C2orf78: variants seen among roughly 807,000 people sequenced by gnomAD.
C2orf78 encodes the protein uncharacterized protein C2orf78.
Under a neutral mutation model 21.4 loss-of-function variants are expected in C2orf78, and 12 were observed. The ratio of observed to expected loss-of-function variants is 0.56; its 90% CI spans 0.36 to 0.91. C2orf78 has a LOEUF of 0.91. C2orf78 is among the 40% of genes least tolerant of loss of function. The pLI, the probability that C2orf78 is intolerant of heterozygous loss-of-function variation, is 0.01. For synonymous variants in C2orf78, 396 were observed against 413.9 expected, an observed-to-expected ratio of 0.96 and a Z score of 0.52; for missense variants, 1,042 against 1,092.4, an observed-to-expected ratio of 0.95 and a Z score of 0.65.
intron 2 of C2orf78, 108 bp from the exon 3 acceptor site, chr2:73,814,963 T>C (rs1673162137): frequency 9.7e-7 from 1 of 1,034,906 alleles, no homozygotes; most frequent in African/African-American, 1.6e-5. Flanking sequence ...TAAGAAGAGC[T>C]AGTAGAAATG....
exon 3 of C2orf78, chr2:73,815,156 C>T (rs772132434): frequency 5.6e-6 from 9 of 1,613,982 alleles, no homozygotes; most frequent in Admixed American, 3.3e-5. Context: ...CTCCAGAATT[C>T]TCCAAGTCCT....
chr2:73,812,847 A>G (rs1436687779), intron 1 of C2orf78, among the ~76,000 whole-genome samples: 2 of 152,220 alleles, frequency 1.3e-5, no homozygotes, highest in African/African-American at 2.4e-5. Flanking sequence ...GGTTAAATAT[A>G]AACTCTAGGA....
At chr2:73,813,897 C>T (rs1673139457) in exon 2 of C2orf78, 1 of 1,614,038 alleles carries the variant, frequency 6.2e-7, no homozygotes. Flanking sequence ...GATACCAATA[C>T]TATGGTCCCT....
exon 3 of C2orf78, chr2:73,816,430 G>T (rs761384223): frequency 6.2e-7 from 1 of 1,613,878 alleles, no homozygotes; most frequent in South Asian, 1.1e-5. Context: ...CATGTTTCTC[G>T]GCGGCCAAAC....
intron 1 of C2orf78, among the ~76,000 whole-genome samples, chr2:73,810,246 A>T (rs576167149): frequency 1.1e-4 from 17 of 152,014 alleles, no homozygotes; most frequent in Non-Finnish European, 2.4e-4. Flanking sequence ...AATATGCTTT[A>T]GAGGCCGGGC....
At chr2:73,814,310 G>A in intron 2 of C2orf78, 84 bp downstream of exon 2, 2 of 1,423,404 alleles carry the variant, frequency 1.4e-6, no homozygotes, top group South Asian at 2.8e-5. Flanking sequence ...TGAGTCCGTG[G>A]ATAGGTAGAA....
At chr2:73,815,203 C>G in exon 3 of C2orf78, 2 of 1,613,994 alleles carry the variant, frequency 1.2e-6, no homozygotes, top group Non-Finnish European at 1.7e-6. Flanking sequence ...GAGAGTAACC[C>G]ATCACCTGAG....
At chr2:73,807,058 G>T (rs62150702) in intron 1 of C2orf78, among the ~76,000 whole-genome samples, 86,296 of 143,212 alleles carry the variant, frequency 0.6, 29,979 homozygotes, top group Middle Eastern at 0.71. Flanking sequence ...GCGAGTACCT[G>T]TAATCCCAGC....
chr2:73,808,697 T>G, intron 1 of C2orf78: 12 of 1,505,698 alleles, frequency 8.0e-6, no homozygotes, highest in Admixed American at 2.0e-5. Flanking sequence ...CCAAACCAAC[T>G]GCCACCTGGT....
rs201486183 is a variant in C2orf78 at position 73,815,353 on chromosome 2, A to G, written c.1130A>G (p.Gln377Arg). The G allele has an allele frequency of 2.8e-5, 45 of 1,614,030 alleles. No individual in the cohort carries two copies. In the African/African-American group the frequency reaches 4.8e-4, roughly 17 times the overall value. ...CTTTCAAAGCCTCTAGATGTCCACC[A>G]GATCCTAATAGGAAATCAAGATCCT... The change falls in exon 3 of 3, where the codon CAG becomes CGG. Residue 377 changes from glutamine to arginine, a missense_variant. By Grantham distance (43) the Gln-to-Arg change is conservative. This residue lies in a region of C2orf78 where 1,039 missense variants were observed against 1,069.7 expected (regional missense o/e 0.97). Transcript: ENST00000409561.
chr2:73,808,988 C>T, intron 1 of C2orf78: 1 of 549,160 alleles, frequency 1.8e-6, no homozygotes. Context: ...TCCCAAACAG[C>T]TTGGAATAAC....
exon 3 of C2orf78, chr2:73,815,815 T>C: frequency 6.2e-7 from 1 of 1,613,798 alleles, no homozygotes; most frequent in South Asian, 1.1e-5. Flanking sequence ...GAGAGAGAAG[T>C]GGTTGTTGGC....
exon 3 of C2orf78, chr2:73,816,642 T>G (rs753289281): frequency 6.2e-7 from 1 of 1,613,852 alleles, no homozygotes; most frequent in Non-Finnish European, 8.5e-7. Flanking sequence ...TGTCCCTCAA[T>G]CTGCTGCTTC....
exon 3 of C2orf78, chr2:73,816,516 G>C: frequency 1.9e-6 from 3 of 1,613,940 alleles, no homozygotes; most frequent in Non-Finnish European, 2.5e-6. Flanking sequence ...ATCGAATGCA[G>C]TCAATCCATC....
intron 1 of C2orf78, among the ~76,000 whole-genome samples, chr2:73,810,452 A>C (rs1673056214): frequency 6.6e-6 from 1 of 150,924 alleles, no homozygotes; most frequent in Non-Finnish European, 1.5e-5. Context: ...GTTTGAACCC[A>C]GGAGGTGTAG....
chr2:73,808,990 T>A, intron 1 of C2orf78: 3 of 549,686 alleles, frequency 5.5e-6, no homozygotes, highest in Non-Finnish European at 9.8e-6. Flanking sequence ...CCAAACAGCT[T>A]GGAATAACAG....
At chr2:73,813,779 A>G (rs1419406208) in exon 2 of C2orf78, 1 of 1,614,070 alleles carries the variant, frequency 6.2e-7, no homozygotes, top group South Asian at 1.1e-5. Flanking sequence ...TAGTACAGCA[A>G]GCACAGTAAA....
At chr2:73,816,395 G>T (rs1429981527) in exon 3 of C2orf78, 2 of 1,613,858 alleles carry the variant, frequency 1.2e-6, no homozygotes, top group Non-Finnish European at 1.7e-6. Flanking sequence ...TGCCCTTTCT[G>T]ACCCTGGACC....
At chr2:73,814,135 G>A in exon 2 of C2orf78, 3 of 1,612,014 alleles carry the variant, frequency 1.9e-6, no homozygotes, top group Non-Finnish European at 2.5e-6. Context: ...TGCTGAAGGA[G>A]GTTCAGCCCA....
Sources: gnomAD v4.1 joint callset for allele counts (sites outside exome capture counted in the v4.1 genomes callset) on GRCh38, gnomAD v4.1.1 for gene constraint, gnomAD v4.1.1 regional missense constraint, MANE v1.5 for transcripts, NCBI Gene and HGNC (gene_info 2026-07-23, HGNC 2026-07-21) for gene names.